FOXP1: variants seen among roughly 807,000 people sequenced by gnomAD.
FOXP1 encodes the protein forkhead box P1.
FOXP1 carries 15 observed loss-of-function variants against 98.2 expected under a neutral mutation model. The observed-to-expected ratio is 0.15, with a 90% confidence interval of 0.10 to 0.24. FOXP1 has a LOEUF of 0.24. Among genes scored for constraint, FOXP1 ranks in the 10% least tolerant of loss-of-function variants. The pLI is 1.00. For synonymous variants in FOXP1, 371 were observed against 314.5 expected (o/e 1.18, Z -1.90); for missense variants, 633 against 848.5 (o/e 0.75, Z 3.15).
At chr3:71,430,965 T>C (rs2084660148) in intron 3 of FOXP1, among the ~76,000 whole-genome samples, 1 of 152,110 alleles carries the variant, frequency 6.6e-6, no homozygotes, top group Non-Finnish European at 1.5e-5. Context: ...CTCCAATTTA[T>C]ATGAAACACT....
chr3:71,234,505 A>G (rs571796723), intron 5 of FOXP1, among the ~76,000 whole-genome samples: 2 of 152,230 alleles, frequency 1.3e-5, no homozygotes, highest in Non-Finnish European at 2.9e-5. Flanking sequence ...CACAAGTTGC[A>G]CCGCCTACAG....
intron 5 of FOXP1, among the ~76,000 whole-genome samples, chr3:71,202,501 G>A (rs2063739360): frequency 6.6e-6 from 1 of 152,096 alleles, no homozygotes; most frequent in African/African-American, 2.4e-5. Context: ...TTCACAAATT[G>A]CAAAAGCCCT....
At chr3:71,334,848 T>C (rs990402688) in intron 4 of FOXP1, 2 of 152,226 alleles carry the variant, frequency 1.3e-5, no homozygotes, top group Admixed American at 6.5e-5. Context: ...ACTGAAGAAC[T>C]GGTACTGAGC....
At chr3:71,348,530 T>TGTGC (rs1553853178) in intron 4 of FOXP1, among the ~76,000 whole-genome samples, 2 of 126,772 alleles carry the variant, frequency 1.6e-5, no homozygotes, top group Admixed American at 7.5e-5. Context: ...TGCGTGTGTG[T>TGTGC]GTGTGTGTGT....
intron 7 of FOXP1, among the ~76,000 whole-genome samples, chr3:71,066,633 G>A (rs1328815105): frequency 6.6e-6 from 1 of 152,188 alleles, no homozygotes; most frequent in Non-Finnish European, 1.5e-5. Context: ...CCAATGTACA[G>A]GGAGAAAGTG....
chr3:71,370,226 G>A (rs561495483), intron 3 of FOXP1, among the ~76,000 whole-genome samples: 2 of 152,126 alleles, frequency 1.3e-5, no homozygotes, highest in African/African-American at 4.8e-5. Flanking sequence ...CCAAAACAGG[G>A]CCAAATAGAT....
At chr3:71,399,289 G>C (rs910434250) in intron 3 of FOXP1, among the ~76,000 whole-genome samples, 2 of 152,054 alleles carry the variant, frequency 1.3e-5, no homozygotes, top group African/African-American at 4.8e-5. Flanking sequence ...ATCTCTAAAG[G>C]AGTCAAACAA....
chr3:71,279,192 A>AAAAAAAAAAAAAAAAAAAAAAC (rs368277709), intron 5 of FOXP1, among the ~76,000 whole-genome samples: 1 of 139,358 alleles, frequency 7.2e-6, no homozygotes, highest in Non-Finnish European at 1.6e-5. Context: ...AAAAAAAAAA[A>AAAAAAAAAAAAAAAAAAAAAAC]AGAAAGAAAT....
chr3:71,097,177 C>T (rs1360105160), intron 7 of FOXP1, among the ~76,000 whole-genome samples: 1 of 152,172 alleles, frequency 6.6e-6, no homozygotes, highest in East Asian at 1.9e-4. Flanking sequence ...CAAATCTGGG[C>T]TGCCACCTGT....
chr3:71,255,780 G>T (rs1029136912), intron 5 of FOXP1, among the ~76,000 whole-genome samples: 1 of 152,100 alleles, frequency 6.6e-6, no homozygotes, highest in Non-Finnish European at 1.5e-5. Flanking sequence ...TTTTAAAAGG[G>T]TCTGAAACGA....
At chr3:71,221,826 A>C (rs919357633) in intron 5 of FOXP1, among the ~76,000 whole-genome samples, 2 of 152,184 alleles carry the variant, frequency 1.3e-5, no homozygotes, top group Non-Finnish European at 2.9e-5. Flanking sequence ...GCTTATGGCT[A>C]GGACAGTAGT....
intron 2 of FOXP1, among the ~76,000 whole-genome samples, chr3:71,501,018 C>G (rs981682182): frequency 6.6e-5 from 10 of 152,162 alleles, no homozygotes; most frequent in East Asian, 2.0e-4. Context: ...ATGGTGAAAC[C>G]CTGTCTCTAC....
chr3:71,265,100 C>T (rs533666168), intron 5 of FOXP1, among the ~76,000 whole-genome samples: 58 of 152,084 alleles, frequency 3.8e-4, no homozygotes, highest in Admixed American at 1.2e-3. Flanking sequence ...AGCTCTAATT[C>T]CAGGAATCTA....
chr3:71,371,975 C>A (rs1234464344), intron 3 of FOXP1, among the ~76,000 whole-genome samples: 1 of 152,032 alleles, frequency 6.6e-6, no homozygotes. Context: ...CTTCCCCTGG[C>A]TCTTTGTACA....
At chr3:70,966,125 G>T in intron 19 of FOXP1, 69 bp from the exon 20 acceptor site, 2 of 1,260,988 alleles carry the variant, frequency 1.6e-6, no homozygotes, top group Non-Finnish European at 2.3e-6. Flanking sequence ...CTAATTATGG[G>T]TGTACTCGAT....
At chr3:71,193,894 C>T (rs1426208342) in intron 6 of FOXP1, among the ~76,000 whole-genome samples, 6 of 152,304 alleles carry the variant, frequency 3.9e-5, no homozygotes, top group Middle Eastern at 3.4e-3. Context: ...GTCCTCTTTA[C>T]TCCCCTTCTT....
intron 18 of FOXP1, chr3:70,972,170 C>A (rs1433722257): frequency 2.0e-6 from 3 of 1,524,062 alleles, no homozygotes; most frequent in East Asian, 2.4e-5. Flanking sequence ...GAGGTTGGTG[C>A]GAATGGCACC....
intron 5 of FOXP1, among the ~76,000 whole-genome samples, chr3:71,214,613 G>A (rs2064773721): frequency 6.6e-6 from 1 of 152,100 alleles, no homozygotes; most frequent in Non-Finnish European, 1.5e-5. Context: ...TCTAAAATAG[G>A]GAATTAAAAT....
At chr3:71,033,300 A>G (rs188064367) in intron 11 of FOXP1, among the ~76,000 whole-genome samples, 2 of 152,180 alleles carry the variant, frequency 1.3e-5, no homozygotes, top group Non-Finnish European at 2.9e-5. Context: ...TTTGGGTGGG[A>G]AATCTGGCAC....
Sources: gnomAD v4.1 joint callset for allele counts (sites outside exome capture counted in the v4.1 genomes callset) on GRCh38, gnomAD v4.1.1 for gene constraint, MANE v1.5 for transcripts, NCBI Gene and HGNC (gene_info 2026-07-23, HGNC 2026-07-21) for gene names.